NRG1: variants seen among roughly 807,000 people sequenced by gnomAD.
NRG1 encodes the protein pro-neuregulin-1, membrane-bound isoform.
In NRG1, 18 loss-of-function variants were observed where a neutral mutation model predicts 63.8. That is an observed-to-expected ratio of 0.28 (90% CI 0.19 to 0.42). The LOEUF (loss-of-function observed/expected upper bound fraction) is 0.42, where lower values mean the gene tolerates loss of function less well. NRG1 is among the 10% of genes least tolerant of loss of function. The pLI, the probability that NRG1 is intolerant of heterozygous loss-of-function variation, is 1.00. For missense variants in NRG1, 762 were observed against 814.7 expected (o/e 0.94, Z 0.79); for synonymous variants, 302 against 301.3 (o/e 1.00, Z -0.02).
intron 5 of NRG1, among the ~76,000 whole-genome samples, chr8:32,720,909 C>T (rs1820471928): frequency 6.6e-6 from 1 of 152,190 alleles, no homozygotes; most frequent in Non-Finnish European, 1.5e-5. Context: ...ATCATTTGCT[C>T]AGCCACTGCT....
chr8:32,197,182 A>T (rs1843045732), intron 1 of NRG1, among the ~76,000 whole-genome samples: 1 of 151,732 alleles, frequency 6.6e-6, no homozygotes, highest in Non-Finnish European at 1.5e-5. Flanking sequence ...GGCTGGTCTC[A>T]AACACCTGAC....
chr8:31,728,703 C>T (rs1467582681), intron 1 of NRG1, among the ~76,000 whole-genome samples: 1 of 152,176 alleles, frequency 6.6e-6, no homozygotes, highest in Non-Finnish European at 1.5e-5. Flanking sequence ...CAAACTATTA[C>T]AAGTCATGGA....
chr8:31,698,883 C>G (rs145111148), intron 1 of NRG1, among the ~76,000 whole-genome samples: 1 of 152,128 alleles, frequency 6.6e-6, no homozygotes, highest in Admixed American at 6.6e-5. Flanking sequence ...GCTTTTAGCA[C>G]CAAGGTTAAA....
At chr8:32,000,213 A>G (rs978857492) in intron 1 of NRG1, among the ~76,000 whole-genome samples, 2 of 152,018 alleles carry the variant, frequency 1.3e-5, no homozygotes. Context: ...GGTCTGGGCT[A>G]AACTATTCAG....
chr8:31,973,996 A>AAGCACATCTGGAAAGGTCCAGATTTC (rs1294892199), intron 1 of NRG1, among the ~76,000 whole-genome samples: 3 of 152,190 alleles, frequency 2.0e-5, no homozygotes, highest in African/African-American at 7.2e-5. Context: ...CTGGCCATCT[A>AAGCACATCTGGAAAGGTCCAGATTTC]AGCACATCTG....
intron 1 of NRG1, among the ~76,000 whole-genome samples, chr8:32,034,279 C>G (rs1007331159): frequency 1.3e-5 from 2 of 152,090 alleles, no homozygotes; most frequent in African/African-American, 4.8e-5. Context: ...TTGAACAAGC[C>G]TTGCATACCA....
intron 1 of NRG1, among the ~76,000 whole-genome samples, chr8:32,140,860 C>T (rs1286319608): frequency 2.0e-5 from 3 of 152,108 alleles, no homozygotes; most frequent in Non-Finnish European, 4.4e-5. Context: ...TTCATTTCCT[C>T]TTATCCTTTC....
chr8:32,081,438 A>C (rs1007366859), intron 1 of NRG1, among the ~76,000 whole-genome samples: 2 of 152,060 alleles, frequency 1.3e-5, no homozygotes, highest in Non-Finnish European at 2.9e-5. Context: ...ATCTTTAAGG[A>C]GAGAATAGAA....
chr8:31,844,471 G>A (rs1826485733), intron 1 of NRG1, among the ~76,000 whole-genome samples: 2 of 152,142 alleles, frequency 1.3e-5, no homozygotes, highest in South Asian at 2.1e-4. Context: ...GAACTCAAAT[G>A]GGAAATGATG....
chr8:32,469,137 C>T (rs1441435243), intron 1 of NRG1, among the ~76,000 whole-genome samples: 1 of 152,084 alleles, frequency 6.6e-6, no homozygotes, highest in Non-Finnish European at 1.5e-5. Flanking sequence ...AGCCAACATC[C>T]CCCTCCTTTG....
intron 1 of NRG1, among the ~76,000 whole-genome samples, chr8:32,549,763 G>C (rs1833770331): frequency 6.6e-6 from 1 of 152,088 alleles, no homozygotes; most frequent in Admixed American, 6.5e-5. Flanking sequence ...ACATTACCTT[G>C]GACAAAAGAG....
chr8:32,064,040 G>A (rs1824329433), intron 1 of NRG1, among the ~76,000 whole-genome samples: 1 of 151,870 alleles, frequency 6.6e-6, no homozygotes, highest in African/African-American at 2.4e-5. Context: ...GGGAGCAATT[G>A]GGCAGTTTAA....
chr8:32,417,409 C>G (rs1188590772), intron 1 of NRG1, among the ~76,000 whole-genome samples: 1 of 152,054 alleles, frequency 6.6e-6, no homozygotes, highest in Non-Finnish European at 1.5e-5. Flanking sequence ...AATGGACTGT[C>G]TTTCATTGTC....
chr8:32,215,309 C>T (rs1260132109), intron 1 of NRG1, among the ~76,000 whole-genome samples: 1 of 152,150 alleles, frequency 6.6e-6, no homozygotes, highest in Non-Finnish European at 1.5e-5. Context: ...CGTGCTATAG[C>T]TCCTCTTGCT....
chr8:32,675,694 C>T (rs1379832047), intron 5 of NRG1, among the ~76,000 whole-genome samples: 1 of 152,100 alleles, frequency 6.6e-6, no homozygotes, highest in Non-Finnish European at 1.5e-5. Context: ...ATAAGTGATA[C>T]TAGCTTGGTA....
chr8:32,091,831 G>A (rs1563776082), intron 1 of NRG1, among the ~76,000 whole-genome samples: 2 of 152,136 alleles, frequency 1.3e-5, no homozygotes, highest in Admixed American at 6.5e-5. Flanking sequence ...CAGAACAAGG[G>A]AGGTCAGAAA....
At chr8:31,760,003 T>G (rs1817362828) in intron 1 of NRG1, among the ~76,000 whole-genome samples, 1 of 152,180 alleles carries the variant, frequency 6.6e-6, no homozygotes, top group Non-Finnish European at 1.5e-5. Context: ...ACTTTCAACT[T>G]GTTTTTAATG....
At chr8:32,748,354 CACACAGAGAG>C (rs1249993987) in intron 7 of NRG1, among the ~76,000 whole-genome samples, 2 of 91,292 alleles carry the variant, frequency 2.2e-5, no homozygotes, top group Non-Finnish European at 5.0e-5. Context: ...CACACACACA[CACACAGAGAG>C]AGAGAGAGAG....
At chr8:31,895,772 G>C (rs1208883932) in intron 1 of NRG1, among the ~76,000 whole-genome samples, 3 of 152,006 alleles carry the variant, frequency 2.0e-5, no homozygotes, top group Non-Finnish European at 4.4e-5. Flanking sequence ...TTCAATTTTG[G>C]TGGGTTCTGG....
Sources: gnomAD v4.1 joint callset for allele counts (sites outside exome capture counted in the v4.1 genomes callset) on GRCh38, gnomAD v4.1.1 for gene constraint, MANE v1.5 for transcripts, NCBI Gene and HGNC (gene_info 2026-07-23, HGNC 2026-07-21) for gene names.